NUP93: variants seen among roughly 807,000 people sequenced by gnomAD.
NUP93 encodes nuclear pore complex protein Nup93.
In NUP93, 55 loss-of-function variants were observed where a neutral mutation model predicts 107.8. The observed-to-expected ratio is 0.51, with a 90% CI of 0.41 to 0.64. NUP93 has a LOEUF of 0.64. NUP93 is among the 30% of genes least tolerant of loss of function. The pLI is 0.00. For synonymous variants in NUP93, 390 were observed against 397.5 expected, an observed-to-expected ratio of 0.98 and a Z score of 0.22; for missense variants, 937 against 1,044.7, an observed-to-expected ratio of 0.90 and a Z score of 1.42.
chr16:56,824,634 C>T (rs1412393128), intron 8 of NUP93, among the ~76,000 whole-genome samples: 1 of 152,250 alleles, frequency 6.6e-6, no homozygotes, highest in African/African-American at 2.4e-5. Context: ...GCCTCTGCAC[C>T]TGCCAGCAGC....
chr16:56,745,217 G>A (rs1299814535), intron 1 of NUP93, among the ~76,000 whole-genome samples: 1 of 152,184 alleles, frequency 6.6e-6, no homozygotes, highest in Non-Finnish European at 1.5e-5. Flanking sequence ...GAGCATTCCA[G>A]TAGAGGAAAC....
intron 3 of NUP93, among the ~76,000 whole-genome samples, chr16:56,778,725 T>C (rs1962460926): frequency 6.6e-6 from 1 of 152,120 alleles, no homozygotes; most frequent in South Asian, 2.1e-4. Context: ...ATTAACTAGA[T>C]TGAGAGTTGA....
At chr16:56,783,900 G>A in intron 3 of NUP93, 1 of 985,290 alleles carries the variant, frequency 1.0e-6, no homozygotes, top group Non-Finnish European at 1.2e-6. Context: ...TCATATAGCA[G>A]GGAGAGGTTG....
rs558727817 is a variant in NUP93 at position 56,755,252 on chromosome 16, G to A, written c.180-3286G>A. Among the ~76,000 whole-genome samples, 841 of 152,290 alleles carry A rather than the reference G, an allele frequency of 5.5e-3. 4 individuals carry two copies. Among genetic ancestry groups the A allele is most frequent in the Non-Finnish European group, 9.6e-3 (653 of 68,024 alleles). On this transcript the variant is annotated intron_variant, in intron 2 of 21. Coordinates refer to ENST00000308159, the MANE Select transcript of NUP93 (RefSeq NM_014669.5). ...CTGATGAATGGATACATAAAATGTG[G>A]TATGTCCATGCAGTGGAATACTGTT... is the stretch of plus-strand genomic sequence containing the variant.
intron 5 of NUP93, 118 bp from the exon 6 acceptor site, chr16:56,818,546 T>C: frequency 1.3e-6 from 1 of 795,522 alleles, no homozygotes; most frequent in Non-Finnish European, 2.0e-6. Flanking sequence ...AATTCTTAAC[T>C]AGGAAACAGA....
At chr16:56,760,587 T>TG (rs1962106377) in intron 3 of NUP93, among the ~76,000 whole-genome samples, 2 of 151,488 alleles carry the variant, frequency 1.3e-5, no homozygotes, top group Admixed American at 6.6e-5. Context: ...CAGGGGCGGG[T>TG]GCCACTTTCA....
At chr16:56,803,233 C>T (rs537002345) in intron 4 of NUP93, among the ~76,000 whole-genome samples, 6 of 152,190 alleles carry the variant, frequency 3.9e-5, no homozygotes, top group Admixed American at 2.0e-4. Flanking sequence ...CCAAGGCGGT[C>T]GGATCACTTG....
intron 1 of NUP93, 97 bp downstream of exon 1, chr16:56,730,308 C>T (rs906663745): frequency 1.3e-5 from 2 of 152,406 alleles, no homozygotes; most frequent in Non-Finnish European, 2.9e-5. Context: ...GCTCGGAACC[C>T]CGCCGCTCAT....
At chr16:56,811,028 T>G (rs1318102835) in intron 5 of NUP93, among the ~76,000 whole-genome samples, 3 of 152,258 alleles carry the variant, frequency 2.0e-5, no homozygotes, top group African/African-American at 7.2e-5. Flanking sequence ...CTAGTATTGG[T>G]GAACCTTTTA....
intron 19 of NUP93, 136 bp from the exon 20 acceptor site, chr16:56,839,385 C>A: frequency 3.3e-6 from 2 of 600,464 alleles, no homozygotes. Flanking sequence ...AGAATCAAAG[C>A]CTTTGTGTGT....
chr16:56,815,875 C>CTGCTGG (rs1963412526), intron 5 of NUP93, among the ~76,000 whole-genome samples: 1 of 142,182 alleles, frequency 7.0e-6, no homozygotes, highest in South Asian at 2.2e-4. Context: ...ACTGCTGCTG[C>CTGCTGG]TGCTGCTGCT....
At chr16:56,800,173 A>G (rs1225991614) in intron 4 of NUP93, among the ~76,000 whole-genome samples, 1 of 152,158 alleles carries the variant, frequency 6.6e-6, no homozygotes, top group Non-Finnish European at 1.5e-5. Flanking sequence ...ACAGAGTGAG[A>G]CTCTGTCTCA....
chr16:56,835,707 G>A (rs1212948242), intron 16 of NUP93, among the ~76,000 whole-genome samples: 1 of 152,232 alleles, frequency 6.6e-6, no homozygotes, highest in Non-Finnish European at 1.5e-5. Context: ...CGCTAGTGGA[G>A]AAGCAGAATG....
intron 3 of NUP93, among the ~76,000 whole-genome samples, chr16:56,765,182 A>T (rs1241321618): frequency 6.6e-6 from 1 of 152,236 alleles, no homozygotes; most frequent in Non-Finnish European, 1.5e-5. Flanking sequence ...ACCCTGAAGG[A>T]ATAAGACTTT....
At chr16:56,804,854 C>T (rs913350516) in intron 4 of NUP93, among the ~76,000 whole-genome samples, 1 of 149,456 alleles carries the variant, frequency 6.7e-6, no homozygotes, top group Non-Finnish European at 1.5e-5. Flanking sequence ...TGCAGTGAGC[C>T]GAGATCGTGC....
At chr16:56,774,295 A>G (rs1962373200) in intron 3 of NUP93, among the ~76,000 whole-genome samples, 1 of 152,234 alleles carries the variant, frequency 6.6e-6, no homozygotes, top group Admixed American at 6.5e-5. Context: ...ACCGTCTGCT[A>G]TCAGTAGGAG....
chr16:56,821,437 C>T (rs1596839893), intron 6 of NUP93, 67 bp from the exon 7 acceptor site: 1 of 1,141,890 alleles, frequency 8.8e-7, no homozygotes, highest in South Asian at 1.3e-5. Flanking sequence ...CCATTGCCTG[C>T]TTCAGGAGGT....
chr16:56,765,223 AT>A (rs1346520516), intron 3 of NUP93, among the ~76,000 whole-genome samples: 1 of 152,244 alleles, frequency 6.6e-6, no homozygotes, highest in African/African-American at 2.4e-5. Flanking sequence ...TAATATAAAA[AT>A]ATAAGAGACT....
Position 56,848,925 on chromosome 16 carries a change from C to T in NUP93, c.*4316C>T, listed in dbSNP as rs1262094429. On this transcript the variant is annotated 3_prime_UTR_variant, in exon 22 of 22. Transcript: ENST00000308159. ...TCCAGGATCACCTAAGTGAAGTACT[C>T]GTGGTTCTAAGTTGCTAACCCAGGG... 4 of 152,026 alleles carry T rather than the reference C, an allele frequency of 2.6e-5. No individual in the cohort carries two copies. The highest frequency in any genetic ancestry group is 1.9e-4 in the East Asian group (1 of 5,188). The allele number at this position is 152,026 out of a possible 1,614,324, so 9.4% of individuals were successfully genotyped here.
Sources: allele counts gnomAD v4.1 joint callset (sites outside exome capture counted in the v4.1 genomes callset), GRCh38; gene constraint gnomAD v4.1.1; transcripts MANE v1.5; gene names NCBI Gene and HGNC (gene_info 2026-07-23, HGNC 2026-07-21).